The following GSN variants were observed in gnomAD, a reference collection of about 807,000 sequenced individuals.
GSN encodes the protein actin-depolymerizing factor.
GSN carries 56 observed loss-of-function variants against 85.7 expected under a neutral mutation model. The observed-to-expected ratio is 0.65, with a 90% CI of 0.53 to 0.82. GSN has a LOEUF of 0.82. GSN is among the 40% of genes least tolerant of loss of function. The probability of loss-of-function intolerance (pLI) is 0.00; values close to 1 mark genes in which losing one functional copy is unlikely to be tolerated. For synonymous variants in GSN, 373 were observed against 399.1 expected (o/e 0.93, Z 0.78); for missense variants, 857 against 979.8 (o/e 0.87, Z 1.67).
chr9:121,277,557 G>A (rs1219508859), intron 1 of GSN, among the ~76,000 whole-genome samples: 1 of 152,198 alleles, frequency 6.6e-6, no homozygotes, highest in African/African-American at 2.4e-5. Flanking sequence ...ATAGGGTCTA[G>A]CCTGGAGCCC....
intron 6 of GSN, among the ~76,000 whole-genome samples, chr9:121,259,921 C>T (rs2055045899): frequency 6.6e-6 from 1 of 152,220 alleles, no homozygotes; most frequent in Admixed American, 6.5e-5. Flanking sequence ...GGTACTTCAC[C>T]TTAAACTGTT....
chr9:121,301,625 C>CAAAAAAAAAAAAAAA (rs753963979), intron 2 of GSN, among the ~76,000 whole-genome samples: 1 of 55,990 alleles, frequency 1.8e-5, no homozygotes, highest in Non-Finnish European at 4.3e-5. Flanking sequence ...GACTCTGTCT[C>CAAAAAAAAAAAAAAA]AAAAAAAAAA....
chr9:121,207,341 C>T (rs2053897982), upstream of GSN, among the ~76,000 whole-genome samples: 1 of 152,152 alleles, frequency 6.6e-6, no homozygotes, highest in South Asian at 2.1e-4. Flanking sequence ...TCTCTTTGTG[C>T]CAAAGACCCA....
At chr9:121,316,968 G>T in intron 7 of GSN, 118 bp from the exon 8 acceptor site, 1 of 1,263,858 alleles carries the variant, frequency 7.9e-7, no homozygotes. Context: ...GCGAGAGGAA[G>T]CCCAGGTGTT....
At chr9:121,239,422 A>C in intron 5 of GSN, 1 of 421,040 alleles carries the variant, frequency 2.4e-6, no homozygotes, top group Non-Finnish European at 4.6e-6. Context: ...GGCAGTTTCC[A>C]TGTTTACATC....
At chr9:121,325,941 A>C (rs2063106166) in intron 12 of GSN, among the ~76,000 whole-genome samples, 1 of 151,918 alleles carries the variant, frequency 6.6e-6, no homozygotes, top group South Asian at 2.1e-4. Flanking sequence ...CCTGACGTAC[A>C]TGTGAGGTTT....
chr9:121,253,568 G>A (rs1184567396), intron 6 of GSN, among the ~76,000 whole-genome samples: 1 of 152,198 alleles, frequency 6.6e-6, no homozygotes, highest in African/African-American at 2.4e-5. Flanking sequence ...TCATCTCGAA[G>A]TTATATGGTA....
At chr9:121,228,082 G>A (rs1273283044) in intron 4 of GSN, among the ~76,000 whole-genome samples, 1 of 152,020 alleles carries the variant, frequency 6.6e-6, no homozygotes, top group African/African-American at 2.4e-5. Context: ...TAACGGTGGT[G>A]CAGTCACTCA....
At chr9:121,251,059 C>T (rs1028069892) in intron 6 of GSN, among the ~76,000 whole-genome samples, 2 of 151,784 alleles carry the variant, frequency 1.3e-5, no homozygotes, top group African/African-American at 2.4e-5. Context: ...CTCCTGAGCT[C>T]TAGCTATCCT....
At chr9:121,208,229 G>A (rs887897574) in intron 1 of GSN, among the ~76,000 whole-genome samples, 1 of 152,054 alleles carries the variant, frequency 6.6e-6, no homozygotes, top group Non-Finnish European at 1.5e-5. Context: ...AATATTCCAC[G>A]CATTCAACAA....
At chr9:121,247,335 C>T (rs2054720542) in intron 5 of GSN, among the ~76,000 whole-genome samples, 1 of 152,232 alleles carries the variant, frequency 6.6e-6, no homozygotes. Flanking sequence ...CGCCACACTG[C>T]TGTCTGGCAT....
intron 2 of GSN, among the ~76,000 whole-genome samples, chr9:121,288,813 A>ATAG (rs201830509): frequency 0.022 from 3,362 of 152,246 alleles, 109 homozygotes; most frequent in African/African-American, 0.076. Flanking sequence ...CATTCAAGAG[A>ATAG]TAGTACATGG....
intron 4 of GSN, among the ~76,000 whole-genome samples, chr9:121,224,376 G>C (rs1437393909): frequency 6.6e-6 from 1 of 152,182 alleles, no homozygotes; most frequent in Non-Finnish European, 1.5e-5. Context: ...TGGGATTACA[G>C]GCGTGAGCCA....
Position 121,210,259 on chromosome 9 carries a change from G to C in GSN, c.-682G>C, listed in dbSNP as rs1379887354. 2.0e-5 allele frequency: 3 copies of C among 152,194 alleles called. No homozygotes were observed. In the East Asian group the frequency reaches 5.8e-4, roughly 29 times the overall value. 9.4% of individuals were successfully genotyped at this position (152,194 alleles called of 1,614,324 possible). On this transcript the variant is annotated 5_prime_UTR_variant, in exon 3 of 25. Transcript: ENST00000373823. ...AGGACTCAGGCTGACGGAGCACGCT[G>C]CCTGTCTGTGTCTCTCCGTTTCTCT...
At chr9:121,260,122 G>A (rs919782389) in intron 6 of GSN, among the ~76,000 whole-genome samples, 12 of 152,224 alleles carry the variant, frequency 7.9e-5, no homozygotes, top group Non-Finnish European at 1.3e-4. Context: ...GAGACCCCAA[G>A]GGGGCTCACC....
In GSN at chr9:121,302,308, A is replaced by T. The variant is rs1779276269; in HGVS notation, c.196+141A>T. 1.0e-5 allele frequency: 10 copies of T among 974,800 alleles called. No homozygotes were observed. In the Admixed American group the frequency reaches 1.2e-4, roughly 11 times the overall value. 60.4% of individuals were successfully genotyped at this position (974,800 alleles called of 1,614,324 possible). ...CTTGACTGGTGGTTCATGCCCTGAG[A>T]CGCTAGAGCCAGCCTGGCCAAGTTC... On this transcript the variant is annotated intron_variant, in intron 3 of 17. Coordinates refer to ENST00000432226, the MANE Select transcript of GSN (RefSeq NM_198252.3).
At chr9:121,316,182 CT>C (rs1564538318) in intron 7 of GSN, among the ~76,000 whole-genome samples, 1 of 151,950 alleles carries the variant, frequency 6.6e-6, no homozygotes, top group African/African-American at 2.4e-5. Flanking sequence ...TAAGATAGAA[CT>C]TTTTTTTGAG....
chr9:121,220,212 T>C (rs2054144448), intron 4 of GSN, among the ~76,000 whole-genome samples: 1 of 152,248 alleles, frequency 6.6e-6, no homozygotes, highest in African/African-American at 2.4e-5. Context: ...TGTGTACTTT[T>C]TGTCTTGCAA....
rs1317728006 is a variant in GSN at position 121,327,296 on chromosome 9, G to A, written c.1588-12G>A. On this transcript the variant is annotated splice_polypyrimidine_tract_variant and intron_variant, in intron 13 of 17. Transcript: ENST00000432226. ...TGTCTGGTTCCTGATTAACCAAGCTGTACCCTCCCAGGTATTGCCTAAGGC... is the reference window on the plus strand; with the variant it reads ...TGTCTGGTTCCTGATTAACCAAGCTATACCCTCCCAGGTATTGCCTAAGGC... The A allele has an allele frequency of 6.2e-6, 10 of 1,611,794 alleles. No homozygotes were observed. The highest frequency in any genetic ancestry group is 1.6e-4 in the Middle Eastern group (1 of 6,080).
Sources: gnomAD v4.1 joint callset for allele counts (sites outside exome capture counted in the v4.1 genomes callset) on GRCh38, gnomAD v4.1.1 for gene constraint, MANE v1.5 for transcripts, NCBI Gene and HGNC (gene_info 2026-07-23, HGNC 2026-07-21) for gene names.